The following GALNT13 variants were observed in gnomAD, a reference collection of about 807,000 sequenced individuals.
GALNT13 encodes polypeptide N-acetylgalactosaminyltransferase 13, also known as UDP-GalNAc:polypeptide N-acetylgalactosaminyltransferase 13.
A neutral mutation model predicts 64.2 loss-of-function variants in GALNT13; 28 were observed. The observed-to-expected ratio is 0.44, with a 90% CI of 0.32 to 0.60. GALNT13 has a LOEUF of 0.60. Among genes scored for constraint, GALNT13 ranks in the 20% least tolerant of loss-of-function variants. The pLI, the probability that GALNT13 is intolerant of heterozygous loss-of-function variation, is 0.05. For synonymous variants in GALNT13, 214 were observed against 224.6 expected (o/e 0.95, Z 0.42); for missense variants, 577 against 669.8 (o/e 0.86, Z 1.53).
At chr2:154,410,090 A>G (rs1699727312) in intron 11 of GALNT13, among the ~76,000 whole-genome samples, 1 of 151,934 alleles carries the variant, frequency 6.6e-6, no homozygotes, top group African/African-American at 2.4e-5. Context: ...TATTTAAACC[A>G]AATTTCTAAA....
intron 2 of GALNT13, among the ~76,000 whole-genome samples, chr2:153,906,557 C>T (rs1247570433): frequency 6.6e-6 from 1 of 151,892 alleles, no homozygotes; most frequent in African/African-American, 2.4e-5. Flanking sequence ...CATCCATGTC[C>T]CTACAAAGGA....
the GALNT13 span, among the ~76,000 whole-genome samples, chr2:153,235,478 G>A: frequency 8.5e-5 from 13 of 152,214 alleles, no homozygotes; most frequent in East Asian, 2.5e-3. Flanking sequence ...GCATATTCTG[G>A]GTGGTCTGCT....
chr2:153,540,037 G>T, the GALNT13 span, among the ~76,000 whole-genome samples: 23 of 152,232 alleles, frequency 1.5e-4, no homozygotes, highest in African/African-American at 5.5e-4. Flanking sequence ...TAATTGCCAA[G>T]ACAATGTGGA....
chr2:154,403,609 A>G (rs560485783), intron 10 of GALNT13, among the ~76,000 whole-genome samples: 1 of 152,168 alleles, frequency 6.6e-6, no homozygotes, highest in African/African-American at 2.4e-5. Context: ...CCCTGGACAT[A>G]GATAGAAATT....
rs367996682 is a variant in GALNT13 at position 154,140,377 on chromosome 2, A to T, written c.183A>T (p.Gly61=). The change falls in exon 4 of 13, where the codon GGA becomes GGT. Residue 61 remains glycine (G), a synonymous_variant. Coordinates refer to ENST00000392825, the MANE Select transcript of GALNT13 (RefSeq NM_052917.4). ...ACCAAGAAGGGCCAGGAGAAATGGG[A>T]AAAGCTGTGTTGATTCCTAAAGATG... ...SRNQEGPGEM[G]KAVLIPKDDQ... is the part of the protein sequence containing the mutation. 8.1e-6 allele frequency: 13 copies of T among 1,612,982 alleles called. No homozygotes were observed. In the African/African-American group the frequency reaches 1.7e-4, roughly 22 times the overall value.
At chr2:154,366,357 AG>A (rs1485075155) in intron 9 of GALNT13, among the ~76,000 whole-genome samples, 1 of 152,190 alleles carries the variant, frequency 6.6e-6, no homozygotes, top group Non-Finnish European at 1.5e-5. Flanking sequence ...TACAAATTTA[AG>A]GATGTATATG....
chr2:153,963,211 A>G (rs746829328), intron 3 of GALNT13, among the ~76,000 whole-genome samples: 6 of 152,136 alleles, frequency 3.9e-5, no homozygotes, highest in Admixed American at 3.9e-4. Context: ...ATTAATTAGG[A>G]CAGAGGTCTC....
intron 9 of GALNT13, among the ~76,000 whole-genome samples, chr2:154,363,606 G>A (rs1697200450): frequency 1.3e-5 from 2 of 152,148 alleles, no homozygotes; most frequent in South Asian, 4.1e-4. Context: ...GTGATGAAAT[G>A]AAATGGTTAT....
At chr2:153,232,794 G>C in the GALNT13 span, among the ~76,000 whole-genome samples, 2 of 152,170 alleles carry the variant, frequency 1.3e-5, no homozygotes, top group Non-Finnish European at 2.9e-5. Context: ...CCTATGTTGA[G>C]GAGGCTCATT....
chr2:153,497,938 G>T, the GALNT13 span, among the ~76,000 whole-genome samples: 1 of 152,194 alleles, frequency 6.6e-6, no homozygotes, highest in Admixed American at 6.5e-5. Context: ...AGAAAAATGA[G>T]AATGTTGCTT....
chr2:153,486,224 C>T, the GALNT13 span, among the ~76,000 whole-genome samples: 10 of 152,080 alleles, frequency 6.6e-5, no homozygotes, highest in African/African-American at 1.7e-4. Flanking sequence ...TGTGAGCCAC[C>T]GTGCCCAGCC....
the GALNT13 span, among the ~76,000 whole-genome samples, chr2:153,160,530 C>G: frequency 6.6e-6 from 1 of 152,054 alleles, no homozygotes; most frequent in Non-Finnish European, 1.5e-5. Context: ...ATGCAACTTT[C>G]TTTTTGACTG....
At chr2:153,862,897 ATTTAG>A in the GALNT13 span, among the ~76,000 whole-genome samples, 1 of 152,116 alleles carries the variant, frequency 6.6e-6, no homozygotes, top group Non-Finnish European at 1.5e-5. Context: ...ATATCCCTTT[ATTTAG>A]TTAGCTAAGT....
In GALNT13 at chr2:154,178,062, A is replaced by G. The variant is rs145552582; in HGVS notation, c.311+37557A>G. On this transcript the variant is annotated intron_variant, in intron 4 of 12. Transcript: ENST00000392825. The stretch of plus-strand genomic sequence containing the variant: ...TTGCTCTTGAGAACTCTGGGAGAGG[A>G]TACCACTGTCACCGTCTTCTGTTAC... Among the ~76,000 whole-genome samples the G allele has an allele frequency of 3.0e-3, 456 of 152,272 alleles. 1 individual carries two copies. Among genetic ancestry groups the G allele is most frequent in the Middle Eastern group, 0.017 (5 of 292 alleles).
chr2:154,071,846 G>T (rs1700755165), intron 3 of GALNT13, among the ~76,000 whole-genome samples: 1 of 151,962 alleles, frequency 6.6e-6, no homozygotes, highest in Admixed American at 6.6e-5. Context: ...TTTTAAGATG[G>T]TCTAACCATC....
chr2:153,899,933 A>ATT lies in GALNT13; in HGVS notation c.-176-1002_-176-1001insTT, dbSNP rs1291457023. ...GATATATACATATATATATATATAT[A>ATT]TATTTTTTTTTTTTTTTTTTGAGAT... On this transcript the variant is annotated intron_variant, in intron 1 of 12. Coordinates refer to ENST00000392825, the MANE Select transcript of GALNT13 (RefSeq NM_052917.4). Among the ~76,000 whole-genome samples, 251 of 86,334 alleles carry ATT rather than the reference A, an allele frequency of 2.9e-3. 3 individuals carry two copies. Among genetic ancestry groups the ATT allele is most frequent in the East Asian group, 0.025 (70 of 2,770 alleles). The allele number at this position is 86,334 out of a possible 152,430, so 56.6% of individuals were successfully genotyped here. A position where few individuals can be genotyped will look rare whatever the true frequency, so the allele number is the denominator to read the frequency against.
At chr2:153,403,338 A>G in the GALNT13 span, among the ~76,000 whole-genome samples, 2 of 151,974 alleles carry the variant, frequency 1.3e-5, no homozygotes, top group Admixed American at 1.3e-4. Flanking sequence ...CAAAGCTGTC[A>G]GACAGGGACA....
upstream of GALNT13, among the ~76,000 whole-genome samples, chr2:153,869,277 GTTT>G (rs899941679): frequency 2.0e-5 from 3 of 151,954 alleles, no homozygotes; most frequent in African/African-American, 7.3e-5. Context: ...AGATATTATA[GTTT>G]TTATTAATAT....
At chr2:153,359,729 G>A in the GALNT13 span, among the ~76,000 whole-genome samples, 4 of 145,772 alleles carry the variant, frequency 2.7e-5, no homozygotes, top group African/African-American at 1.0e-4. Context: ...ATAAAACTCA[G>A]ATATGACACA....
Sources: allele counts gnomAD v4.1 joint callset (sites outside exome capture counted in the v4.1 genomes callset), GRCh38; gene constraint gnomAD v4.1.1; transcripts MANE v1.5; gene names NCBI Gene and HGNC (gene_info 2026-07-23, HGNC 2026-07-21).